Variants in PLAAT2 observed in about 807,000 individuals in gnomAD.
PLAAT2 encodes the protein phospholipase A and acyltransferase 2, also known as HRAS like suppressor 2.
A neutral mutation model predicts 12.8 loss-of-function variants in PLAAT2; 12 were observed. The ratio of observed to expected loss-of-function variants is 0.94; its 90% CI spans 0.60 to 1.52. The LOEUF (loss-of-function observed/expected upper bound fraction) is 1.52, where lower values mean the gene tolerates loss of function less well. Ranked by LOEUF, PLAAT2 falls within the 40% of genes most tolerant of loss-of-function variation. The pLI is 0.00. For missense variants in PLAAT2, 166 were observed against 208.1 expected, an observed-to-expected ratio of 0.80 and a Z score of 1.24; for synonymous variants, 79 against 86.8, an observed-to-expected ratio of 0.91 and a Z score of 0.50.
At position 63,553,060 on chromosome 11, in the gene PLAAT2, A is replaced by G. The variant is rs1475504007; in HGVS notation, c.393T>C (p.Thr131=). The change falls in exon 4 of 4, where the codon ACT becomes ACC. Residue 131 remains threonine (T), a synonymous_variant. Transcript: ENST00000255695. ...RYGVSRSDQV[T]GAVTTVGVAA... is the part of the protein sequence containing the mutation. ...CCACACCTACTGTCGTGACTGCACC[A>G]GTGACCTGCAGCAGAAGAGAAGGGA... The G allele has an allele frequency of 6.2e-7, 1 of 1,610,048 alleles. No individual in the cohort carries two copies. The highest frequency in any genetic ancestry group is 1.1e-5 in the South Asian group (1 of 90,934).
intron 3 of PLAAT2, among the ~76,000 whole-genome samples, chr11:63,557,727 G>A (rs1431165157): frequency 3.3e-5 from 5 of 152,094 alleles, no homozygotes; most frequent in Middle Eastern, 3.2e-3. Flanking sequence ...ATAAGACAGA[G>A]AACACCTGGC....
intron 1 of PLAAT2, among the ~76,000 whole-genome samples, chr11:63,561,270 T>C (rs2017515533): frequency 6.6e-6 from 1 of 152,152 alleles, no homozygotes; most frequent in African/African-American, 2.4e-5. Flanking sequence ...AGCTAAGCTA[T>C]GAGGACGCAA....
At chr11:63,557,532 CA>C (rs576254760) in intron 3 of PLAAT2, among the ~76,000 whole-genome samples, 121 of 141,272 alleles carry the variant, frequency 8.6e-4, no homozygotes, top group Middle Eastern at 3.6e-3. Flanking sequence ...GACTCTGTAT[CA>C]AAAAAAAAAA....
chr11:63,562,522 C>T (rs1015671579), intron 1 of PLAAT2, among the ~76,000 whole-genome samples: 2 of 152,188 alleles, frequency 1.3e-5, no homozygotes, highest in African/African-American at 2.4e-5. Context: ...GAATTAAATA[C>T]ATTCTTTCTT....
At chr11:63,564,985 C>G (rs563311427), upstream of PLAAT2, among the ~76,000 whole-genome samples, 18 of 152,214 alleles carry the variant, frequency 1.2e-4, no homozygotes, top group African/African-American at 4.1e-4. Context: ...TGGCTTTTCA[C>G]CGAATCCAAG....
At chr11:63,558,732 G>T (rs577850900) in intron 2 of PLAAT2, 72 bp from the exon 3 acceptor site, 2 of 1,550,534 alleles carry the variant, frequency 1.3e-6, no homozygotes, top group East Asian at 4.5e-5. Context: ...CAGCCTCATC[G>T]CCCCGAGCAC....
At chr11:63,559,149 A>T (rs4963424) in intron 2 of PLAAT2, among the ~76,000 whole-genome samples, 44,651 of 152,062 alleles carry the variant, frequency 0.29, 6,806 homozygotes, top group East Asian at 0.42. Flanking sequence ...AATAAAAATT[A>T]AAAAAGTAGC....
intron 1 of PLAAT2, among the ~76,000 whole-genome samples, chr11:63,561,100 G>T (rs1253694924): frequency 1.3e-5 from 2 of 152,240 alleles, no homozygotes; most frequent in African/African-American, 4.8e-5. Context: ...GCTGCCGAGG[G>T]TGGTGAGAGT....
chr11:63,554,449 T>A (rs1466845654), intron 3 of PLAAT2, among the ~76,000 whole-genome samples: 4 of 151,610 alleles, frequency 2.6e-5, no homozygotes, highest in African/African-American at 9.7e-5. Context: ...CTGGCCAACA[T>A]GGTGAGACCC....
At chr11:63,561,676 A>G (rs1262161054) in intron 1 of PLAAT2, among the ~76,000 whole-genome samples, 1 of 145,296 alleles carries the variant, frequency 6.9e-6, no homozygotes, top group Non-Finnish European at 1.5e-5. Context: ...AAAAAAGACT[A>G]CGCATTGGGT....
intron 3 of PLAAT2, 58 bp downstream of exon 3, chr11:63,558,334 T>C (rs1276247270): frequency 6.3e-7 from 1 of 1,590,936 alleles, no homozygotes; most frequent in Non-Finnish European, 8.6e-7. Flanking sequence ...GGACCCAGCC[T>C]CTGGCAGCTG....
intron 3 of PLAAT2, among the ~76,000 whole-genome samples, chr11:63,556,339 G>A (rs1045429607): frequency 3.9e-5 from 6 of 152,156 alleles, no homozygotes; most frequent in Admixed American, 1.3e-4. Flanking sequence ...CTTCCCCATT[G>A]GCTTGAGTTC....
chr11:63,558,731 C>G, intron 2 of PLAAT2, 71 bp from the exon 3 acceptor site: 5 of 1,556,396 alleles, frequency 3.2e-6, no homozygotes, highest in Non-Finnish European at 4.4e-6. Flanking sequence ...GCAGCCTCAT[C>G]GCCCCGAGCA....
chr11:63,563,370 G>GAGT lies in PLAAT2; in HGVS notation c.-47_-46insACT. Reference sequence around the variant, plus strand: ...TTGTGTGTTGCTGACTCTGTGTCCAGCCTTAAATTAGCTCTGAGTTTCACT... The same window carrying GAGT: ...TTGTGTGTTGCTGACTCTGTGTCCAGAGTCCTTAAATTAGCTCTGAGTTTCACT... On this transcript the variant is annotated 5_prime_UTR_variant, in exon 1 of 4. Coordinates refer to ENST00000255695, the MANE Select transcript of PLAAT2 (RefSeq NM_017878.2). 1 of 1,613,298 alleles carries GAGT rather than the reference G, an allele frequency of 6.2e-7. No homozygotes were observed. Among genetic ancestry groups the GAGT allele is most frequent in the South Asian group, 1.1e-5 (1 of 91,058 alleles).
At chr11:63,553,142 A>C in intron 3 of PLAAT2, 77 bp from the exon 4 acceptor site, 1 of 862,076 alleles carries the variant, frequency 1.2e-6, no homozygotes, top group Non-Finnish European at 1.9e-6. Flanking sequence ...ACTACAGCTC[A>C]GGAAAGACTC....
At chr11:63,563,580 A>T (rs984624049), upstream of PLAAT2, among the ~76,000 whole-genome samples, 3 of 148,182 alleles carry the variant, frequency 2.0e-5, no homozygotes, top group African/African-American at 7.5e-5. Flanking sequence ...TTAGCTGGGC[A>T]TGGTGGTGGG....
intron 1 of PLAAT2, 72 bp downstream of exon 1, chr11:63,563,244 A>C (rs1590672312): frequency 1.3e-6 from 2 of 1,576,096 alleles, no homozygotes; most frequent in East Asian, 2.2e-5. Context: ...ACCAACAAGA[A>C]TACACATAAT....
At chr11:63,558,737 G>A (rs746986423) in intron 2 of PLAAT2, 77 bp from the exon 3 acceptor site, 49 of 1,536,136 alleles carry the variant, frequency 3.2e-5, no homozygotes, top group East Asian at 4.5e-5. Flanking sequence ...TCATCGCCCC[G>A]AGCACCATCA....
intron 3 of PLAAT2, among the ~76,000 whole-genome samples, chr11:63,554,522 G>T (rs952218049): frequency 1.3e-5 from 2 of 151,932 alleles, no homozygotes; most frequent in African/African-American, 4.8e-5. Context: ...CAGCTACCTG[G>T]GAGGCTGAGG....
Sources: gnomAD v4.1 joint callset for allele counts (sites outside exome capture counted in the v4.1 genomes callset) on GRCh38, gnomAD v4.1.1 for gene constraint, MANE v1.5 for transcripts, NCBI Gene and HGNC (gene_info 2026-07-23, HGNC 2026-07-21) for gene names.